Variants in SALL3 observed in about 807,000 individuals in gnomAD.
SALL3 encodes sal-like protein 3.
A neutral mutation model predicts 66.2 loss-of-function variants in SALL3; 25 were observed. That is an observed-to-expected ratio of 0.38 (90% CI 0.28 to 0.53). The LOEUF (loss-of-function observed/expected upper bound fraction) is 0.53, where lower values mean the gene tolerates loss of function less well. SALL3 is among the 20% of genes least tolerant of loss of function. The pLI, the probability that SALL3 is intolerant of heterozygous loss-of-function variation, is 0.85. For synonymous variants in SALL3, 1,152 were observed against 899.1 expected (o/e 1.28, Z -5.03); for missense variants, 2,194 against 1,916.5 (o/e 1.14, Z -2.70).
chr18:78,998,557 G>A lies in SALL3; in HGVS notation c.*1235G>A, dbSNP rs1053250193. On this transcript the variant is annotated 3_prime_UTR_variant, in exon 3 of 3. Transcript: ENST00000537592. The stretch of plus-strand genomic sequence containing the variant: ...GGTGAATTCATCCTAGGACTATGAC[G>A]TCAGTACAAGCCAGGAAGGAACTAG... 9.9e-5 allele frequency: 15 copies of A among 152,280 alleles called. No individual in the cohort carries two copies. The South Asian group carries it at 1.2e-3, about 13-fold the overall frequency. 9.4% of individuals were successfully genotyped at this position (152,280 alleles called of 1,614,324 possible).
At chr18:78,996,610 G>A (rs933821194) in intron 2 of SALL3, among the ~76,000 whole-genome samples, 1 of 152,242 alleles carries the variant, frequency 6.6e-6, no homozygotes, top group African/African-American at 2.4e-5. Context: ...TTCTCTGCGT[G>A]GCCATGTGGG....
intron 1 of SALL3, among the ~76,000 whole-genome samples, chr18:78,983,897 A>C (rs760077939): frequency 1.3e-5 from 2 of 152,226 alleles, no homozygotes; most frequent in Non-Finnish European, 2.9e-5. Context: ...ACATTAAAAA[A>C]CTTAACCTAT....
Position 78,993,959 on chromosome 18 carries a change from G to T in SALL3, c.1968G>T (p.Met656Ile). 6.2e-7 allele frequency: 1 copy of T among 1,611,450 alleles called. No homozygotes were observed. ...QFPFGGLLDS[M>I]QTSETSKLQQ... ...CGTTCGGGGGGCTGCTAGACTCGATGCAAACGTCGGAAACCTCGAAGCTGC... is the reference window on the plus strand; with the variant it reads ...CGTTCGGGGGGCTGCTAGACTCGATTCAAACGTCGGAAACCTCGAAGCTGC... Residue 656 changes from methionine to isoleucine, a missense_variant, in exon 2 of 3, where the codon ATG becomes ATT. Physicochemically the swap from Met to Ile is conservative, Grantham distance 10 (BLOSUM62 1). Coordinates refer to ENST00000537592, the MANE Select transcript of SALL3 (RefSeq NM_171999.4).
Position 78,992,335 on chromosome 18 carries a change from CGGGTGCGGA to C in SALL3, c.348_356del (p.Ala120_Gly122del). Reference sequence around the variant, plus strand: ...GCCGAAAGCGAGGCGGCCGAGGAGGCGGGTGCGGAGGGCGCGGAGGGCGAGGCCAGGCCG... The same window carrying C: ...GCCGAAAGCGAGGCGGCCGAGGAGGCGGGCGCGGAGGGCGAGGCCAGGCCG... On this transcript the variant is annotated inframe_deletion, in exon 2 of 3. Transcript: ENST00000537592. 5 of 1,426,184 alleles carry C rather than the reference CGGGTGCGGA, an allele frequency of 3.5e-6. No individual in the cohort carries two copies. Among genetic ancestry groups the C allele is most frequent in the Non-Finnish European group, 4.6e-6 (5 of 1,097,634 alleles). The allele number at this position is 1,426,184 out of a possible 1,614,324, so 88.3% of individuals were successfully genotyped here.
At position 78,994,139 on chromosome 18, in the gene SALL3, C is replaced by T. The variant is rs1914587748; in HGVS notation, c.2148C>T (p.Phe716=). ...AGTGCAAGATCTGCGGCCGCGCCTT[C>T]ACCACCAAGGGCAACCTCAAGACGC... is the stretch of plus-strand genomic sequence containing the variant. ...PFKCKICGRA[F]TTKGNLKTHF... The change falls in exon 2 of 3, where the codon TTC becomes TTT. Residue 716 remains phenylalanine (F), a synonymous_variant. Coordinates refer to ENST00000537592, the MANE Select transcript of SALL3 (RefSeq NM_171999.4). 3.7e-6 allele frequency: 6 copies of T among 1,612,916 alleles called. No homozygotes were observed. In the African/African-American group the frequency reaches 6.7e-5, roughly 18 times the overall value.
intron 1 of SALL3, among the ~76,000 whole-genome samples, chr18:78,987,048 ATT>A (rs780120720): frequency 2.0e-5 from 3 of 150,170 alleles, no homozygotes; most frequent in African/African-American, 7.3e-5. Flanking sequence ...AAGTAAACTT[ATT>A]TTTAAAAAAA....
At chr18:78,988,194 A>C (rs1016974848) in intron 1 of SALL3, among the ~76,000 whole-genome samples, 2 of 152,256 alleles carry the variant, frequency 1.3e-5, no homozygotes, top group African/African-American at 4.8e-5. Context: ...ATACATTTGA[A>C]TCTGACATAA....
In SALL3 at chr18:78,994,206, C is replaced by T; in HGVS notation, c.2215C>T (p.His739Tyr). ...HRAKPPLRVQHSCPICQKKFT... is the reference protein window; with the variant it reads ...HRAKPPLRVQYSCPICQKKFT... ...TGCAAAGCCGCCCCTGCGCGTGCAGCACTCCTGCCCCATCTGCCAGAAGAA... is the reference window on the plus strand; with the variant it reads ...TGCAAAGCCGCCCCTGCGCGTGCAGTACTCCTGCCCCATCTGCCAGAAGAA... Residue 739 changes from histidine (H) to tyrosine (Y), a missense_variant, in exon 2 of 3, where the codon CAC (histidine) becomes TAC (tyrosine). Coordinates refer to ENST00000537592, the MANE Select transcript of SALL3 (RefSeq NM_171999.4). The T allele has an allele frequency of 6.2e-7, 1 of 1,613,536 alleles. No homozygotes were observed. The highest frequency in any genetic ancestry group is 8.5e-7 in the Non-Finnish European group (1 of 1,179,990).
At chr18:78,984,914 C>T (rs1045308003) in intron 1 of SALL3, 7 of 152,202 alleles carry the variant, frequency 4.6e-5, no homozygotes, top group African/African-American at 1.7e-4. Flanking sequence ...TTTTCAATCA[C>T]CTTCAGATTA....
chr18:78,990,871 A>AACC (rs1914406218), intron 1 of SALL3, among the ~76,000 whole-genome samples: 1 of 152,100 alleles, frequency 6.6e-6, no homozygotes, highest in Non-Finnish European at 1.5e-5. Context: ...CCACCCAAAA[A>AACC]ATGGAAGGTA....
chr18:78,992,835 GC>G lies in SALL3; in HGVS notation c.848del (p.Pro283ArgfsTer112). 2.0e-6 allele frequency: 2 copies of G among 980,080 alleles called. No individual in the cohort carries two copies. Among genetic ancestry groups the G allele is most frequent in the Middle Eastern group, 5.3e-4 (1 of 1,904 alleles). 60.7% of individuals were successfully genotyped at this position (980,080 alleles called of 1,614,324 possible). ...CGCCATCGCGGGCTCGGGCCCCGCC[GC>G]CCCGGCCGCCTTCGAGGGCGCGCAG... ...AAAIAGSGPA[A>X]PAAFEGAQPL... On this transcript the variant is annotated frameshift_variant, in exon 2 of 3. Coordinates refer to ENST00000537592, the MANE Select transcript of SALL3 (RefSeq NM_171999.4). LOFTEE classifies it high-confidence loss of function.
chr18:78,981,705 A>G (rs1038888417), intron 1 of SALL3, among the ~76,000 whole-genome samples: 3 of 152,250 alleles, frequency 2.0e-5, no homozygotes, highest in African/African-American at 7.2e-5. Context: ...GATATGCTAA[A>G]AAGAAACGCT....
chr18:78,998,812 A>C lies in SALL3; in HGVS notation c.*1490A>C, dbSNP rs1345215251. On this transcript the variant is annotated 3_prime_UTR_variant, in exon 3 of 3. Transcript: ENST00000537592. ...GCACAGTGTCCTCTGATTTTTCAGA[A>C]CACAGCCTGACGCTGATGGCTGAGC... The C allele has an allele frequency of 6.6e-6, 1 of 152,284 alleles. No homozygotes were observed. The highest frequency in any genetic ancestry group is 2.4e-5 in the African/African-American group (1 of 41,470). The allele number at this position is 152,284 out of a possible 1,614,324, so 9.4% of individuals were successfully genotyped here.
At chr18:78,982,978 A>G (rs902551578) in intron 1 of SALL3, among the ~76,000 whole-genome samples, 1 of 152,242 alleles carries the variant, frequency 6.6e-6, no homozygotes, top group Non-Finnish European at 1.5e-5. Context: ...CTTAAAAAAG[A>G]ATTATGATTT....
chr18:78,991,391 G>GGC (rs1462728961), intron 1 of SALL3, among the ~76,000 whole-genome samples: 2 of 99,640 alleles, frequency 2.0e-5, no homozygotes, highest in East Asian at 3.7e-4. Flanking sequence ...GGTGGGGGGG[G>GGC]GGGAACTGCT....
At chr18:78,991,785 AACAG>A (rs1914442099) in intron 1 of SALL3, 1 of 382,962 alleles carries the variant, frequency 2.6e-6, no homozygotes, top group Admixed American at 4.5e-5. Context: ...CTTTGTACTC[AACAG>A]ACAGGGTAGC....
rs752632478 is a variant in SALL3, at chr18:78,995,287, C to T, written c.3296C>T (p.Ala1099Val). 5.1e-6 allele frequency: 8 copies of T among 1,581,934 alleles called. No homozygotes were observed. The highest frequency in any genetic ancestry group is 6.8e-6 in the Non-Finnish European group (8 of 1,169,410). The change falls in exon 2 of 3, where the codon GCG becomes GTG. Residue 1099 changes from alanine to valine, a missense_variant. Transcript: ENST00000537592. ...GPQTVMGPGL[A>V]PMLAPPPRRT... ...CAGACAGTGATGGGCCCGGGCCTGG[C>T]GCCCATGCTGGCCCCCCCACCGCGC...
Position 78,992,234 on chromosome 18 carries a change from C to G in SALL3, c.243C>G (p.Ile81Met), listed in dbSNP as rs762499418. ...RSCTKLPPVLIVHEDAPAPPP... is the reference protein window; with the variant it reads ...RSCTKLPPVLMVHEDAPAPPP... ...GCACCAAGCTCCCGCCCGTGCTGAT[C>G]GTGCACGAGGACGCGCCCGCGCCGC... The change falls in exon 2 of 3, where the codon ATC becomes ATG. Residue 81 changes from isoleucine to methionine, a missense_variant. By Grantham distance (10) the Ile-to-Met change is conservative (BLOSUM62 1). Coordinates refer to ENST00000537592, the MANE Select transcript of SALL3 (RefSeq NM_171999.4). 4 of 1,598,766 alleles carry G rather than the reference C, an allele frequency of 2.5e-6. No homozygotes were observed. The highest frequency in any genetic ancestry group is 3.4e-6 in the Non-Finnish European group (4 of 1,175,216).
At chr18:78,986,764 T>C (rs1360777581) in intron 1 of SALL3, among the ~76,000 whole-genome samples, 1 of 152,238 alleles carries the variant, frequency 6.6e-6, no homozygotes, top group East Asian at 1.9e-4. Context: ...CTGCTTCTCT[T>C]GTTCATTGTA....
Sources: gnomAD v4.1 joint callset for allele counts (sites outside exome capture counted in the v4.1 genomes callset) on GRCh38, gnomAD v4.1.1 for gene constraint, MANE v1.5 for transcripts, NCBI Gene and HGNC (gene_info 2026-07-23, HGNC 2026-07-21) for gene names.